Variants in PTPRS observed in about 807,000 individuals in gnomAD.
PTPRS encodes the protein protein tyrosine phosphatase receptor type S.
PTPRS carries 63 observed loss-of-function variants against 215.3 expected under a neutral mutation model. The ratio of observed to expected loss-of-function variants is 0.29; its 90% CI spans 0.24 to 0.36. The LOEUF (loss-of-function observed/expected upper bound fraction) is 0.36, where lower values mean the gene tolerates loss of function less well. Ranked by LOEUF, PTPRS falls within the 10% of genes least tolerant of loss-of-function variation. The pLI is 1.00. For synonymous variants in PTPRS, 1,404 were observed against 1,191.4 expected, an observed-to-expected ratio of 1.18 and a Z score of -3.68; for missense variants, 2,258 against 2,825.8, an observed-to-expected ratio of 0.80 and a Z score of 4.56.
Position 5,206,060 on chromosome 19 carries a change from TAAA to T in PTPRS, c.*711_*713del, listed in dbSNP as rs545658474. Reference sequence around the variant, plus strand: ...CACACTTTCTGATGGTAGGAAAAATTAAAAAAAAAAAAAAAAAAAAAAAAGCCA... The same window carrying T: ...CACACTTTCTGATGGTAGGAAAAATTAAAAAAAAAAAAAAAAAAAAAGCCA... On this transcript the variant is annotated 3_prime_UTR_variant, in exon 38 of 38. Coordinates refer to ENST00000262963, the MANE Select transcript of PTPRS (RefSeq NM_002850.4). Among the ~76,000 whole-genome samples the T allele has an allele frequency of 8.5e-5, 6 of 70,262 alleles. No homozygotes were observed. The highest frequency in any genetic ancestry group is 8.7e-4 in the East Asian group (2 of 2,290). 46.1% of individuals were successfully genotyped at this position (70,262 alleles called of 152,430 possible). A position where few individuals can be genotyped will look rare whatever the true frequency, so the allele number is the denominator to read the frequency against.
intron 1 of PTPRS, among the ~76,000 whole-genome samples, chr19:5,332,360 T>G (rs2050354658): frequency 1.3e-5 from 2 of 152,172 alleles, no homozygotes; most frequent in Non-Finnish European, 2.9e-5. Context: ...ACTTCTGACC[T>G]TAGGTGATCT....
Position 5,214,436 on chromosome 19 carries a change from G to T in PTPRS, c.4539C>A (p.Tyr1513Ter). ...CTAGCAACGTGACCTGGATGAAGCCGTAGGTCTCCGTGCCTCTGTTGGGCC... is the reference window on the plus strand; with the variant it reads ...CTAGCAACGTGACCTGGATGAAGCCTTAGGTCTCCGTGCCTCTGTTGGGCC... ...QYWPNRGTET[Y>*]GFIQVTLLDT... The change falls in exon 30 of 38, where the codon TAC becomes TAA. Residue 1513 changes from tyrosine to a stop codon, truncating the protein, a stop_gained. Transcript: ENST00000262963. LOFTEE classifies it high-confidence loss of function. The T allele has an allele frequency of 6.2e-7, 1 of 1,614,184 alleles. No homozygotes were observed.
At chr19:5,315,986 TATCCTGCCTAGTCTA>T (rs1273225277) in intron 1 of PTPRS, among the ~76,000 whole-genome samples, 2 of 151,072 alleles carry the variant, frequency 1.3e-5, no homozygotes, top group East Asian at 3.9e-4. Flanking sequence ...GGTCCTATCT[TATCCTGCCTAGTCTA>T]GAGCTCCTGG....
chr19:5,215,026 A>G (rs139047559), intron 28 of PTPRS, among the ~76,000 whole-genome samples: 2,254 of 152,382 alleles, frequency 0.015, 27 homozygotes, highest in Non-Finnish European at 0.025. Context: ...ACAACCAAAG[A>G]TGTCCCTGGA....
At chr19:5,261,374 C>T (rs991105329) in intron 6 of PTPRS, among the ~76,000 whole-genome samples, 1 of 152,014 alleles carries the variant, frequency 6.6e-6, no homozygotes, top group Non-Finnish European at 1.5e-5. Context: ...ACAGACAGGC[C>T]GAGTAGGAGG....
intron 1 of PTPRS, among the ~76,000 whole-genome samples, chr19:5,308,072 T>G (rs557529654): frequency 6.6e-6 from 1 of 152,204 alleles, no homozygotes; most frequent in South Asian, 2.1e-4. Context: ...GATCTGGAGA[T>G]TCTCCACCAT....
In PTPRS at chr19:5,210,425, C is replaced by A. The variant is rs745752815; in HGVS notation, c.5487+44G>T. On this transcript the variant is annotated intron_variant, in intron 35 of 37. Coordinates refer to ENST00000262963, the MANE Select transcript of PTPRS (RefSeq NM_002850.4). This position sits in a 1 kb window ranked among gnomAD's most constrained non-coding sequence, Gnocchi z 4.5. ...CCAACCAGGGCAGCCCTTTCCAGAT[C>A]ACTAAGGCTCCAGCCCCTCCCGCCA... 1.9e-6 allele frequency: 3 copies of A among 1,612,802 alleles called. No homozygotes were observed. The highest frequency in any genetic ancestry group is 2.7e-5 in the African/African-American group (2 of 74,960).
intron 2 of PTPRS, among the ~76,000 whole-genome samples, chr19:5,279,150 C>T (rs1568553236): frequency 6.6e-6 from 1 of 151,430 alleles, no homozygotes; most frequent in Non-Finnish European, 1.5e-5. Flanking sequence ...CGCACCACTG[C>T]ACTCCAGCCG....
At chr19:5,255,032 G>C (rs2045441463) in intron 9 of PTPRS, among the ~76,000 whole-genome samples, 1 of 152,188 alleles carries the variant, frequency 6.6e-6, no homozygotes, top group East Asian at 1.9e-4. Context: ...AACTCAAAAT[G>C]CTAGTGCACA....
At chr19:5,239,396 C>T (rs1040516615) in intron 12 of PTPRS, among the ~76,000 whole-genome samples, 9 of 144,838 alleles carry the variant, frequency 6.2e-5, no homozygotes, top group African/African-American at 2.3e-4. Flanking sequence ...CAGAGGGACA[C>T]AGTGACAGAG....
Position 5,211,738 on chromosome 19 carries a change from G to C in PTPRS, c.5086C>G (p.Arg1696Gly). The stretch of plus-strand genomic sequence containing the variant: ...CAAGGCAGATTGGCACTGATGAAGC[G>C]TGACGTGTGGGCCTTGGAGTTAGCC... ...RLANSKAHTSRFISANLPCNK... is the reference protein window; with the variant it reads ...RLANSKAHTSGFISANLPCNK... Residue 1696 changes from arginine to glycine, a missense_variant, in exon 33 of 38, where the codon CGC becomes GGC. By Grantham distance (125) the Arg-to-Gly change is moderately radical (BLOSUM62 -2). Around this residue, in one of 6 missense-constraint regions of PTPRS, gnomAD observed 927 missense variants for 1,125.9 expected, o/e 0.82. Transcript: ENST00000262963. 6.2e-7 allele frequency: 1 copy of C among 1,613,960 alleles called. No homozygotes were observed. Among genetic ancestry groups the C allele is most frequent in the Non-Finnish European group, 8.5e-7 (1 of 1,179,910 alleles).
At chr19:5,327,127 G>A (rs527666720) in intron 1 of PTPRS, among the ~76,000 whole-genome samples, 2 of 152,302 alleles carry the variant, frequency 1.3e-5, no homozygotes, top group African/African-American at 2.4e-5. Context: ...CTCGGTCTGC[G>A]CAGGGCTTGC....
chr19:5,256,067 A>G, intron 9 of PTPRS, 41 bp downstream of exon 9: 1 of 1,495,524 alleles, frequency 6.7e-7, no homozygotes, highest in South Asian at 1.2e-5. Flanking sequence ...AGAATGTAAA[A>G]ATGTGGGTAA....
intron 1 of PTPRS, among the ~76,000 whole-genome samples, chr19:5,298,679 G>A (rs1235226681): frequency 7.9e-5 from 12 of 152,202 alleles, no homozygotes; most frequent in East Asian, 7.7e-4. Context: ...CCCGCCAGCC[G>A]CACCGCAGCG....
chr19:5,222,546 C>G, intron 18 of PTPRS, 143 bp downstream of exon 18: 1 of 994,596 alleles, frequency 1.0e-6, no homozygotes, highest in Non-Finnish European at 1.4e-6. Context: ...AACGCCGGAG[C>G]CTCGGGGTCC....
intron 5 of PTPRS, among the ~76,000 whole-genome samples, chr19:5,263,703 G>A (rs1299827943): frequency 6.6e-6 from 1 of 152,228 alleles, no homozygotes; most frequent in Admixed American, 6.5e-5. Context: ...TCCCCACCAC[G>A]TGTGTCCCCA....
rs1215558834 is a variant in PTPRS at position 5,287,962 on chromosome 19, G to A, written c.-94-1728C>T. 5.1e-5 allele frequency among the ~76,000 whole-genome samples: 5 copies of A among 97,322 alleles called. No individual in the cohort carries two copies. The highest frequency in any genetic ancestry group is 1.1e-4 in the Admixed American group (1 of 8,796). 63.8% of individuals were successfully genotyped at this position (97,322 alleles called of 152,430 possible). A position where few individuals can be genotyped will look rare whatever the true frequency, so the allele number is the denominator to read the frequency against. The stretch of plus-strand genomic sequence containing the variant: ...ATTCACACAGTCAGGCAGCAGAGAC[G>A]GGCACACACACACACACACACACAC... On this transcript the variant is annotated intron_variant, in intron 1 of 37. Coordinates refer to ENST00000262963, the MANE Select transcript of PTPRS (RefSeq NM_002850.4). The surrounding 1 kb of genome is among the most constrained non-coding windows in gnomAD (Gnocchi z 4.8).
At chr19:5,229,175 T>G in intron 16 of PTPRS, 141 bp downstream of exon 16, 2 of 973,826 alleles carry the variant, frequency 2.1e-6, no homozygotes, top group Non-Finnish European at 2.7e-6. Flanking sequence ...CAAGAGGTAA[T>G]GGGAGAGCGA....
rs1422453480 is a variant in PTPRS at position 5,219,434 on chromosome 19, G to A, written c.3799C>T (p.Gln1267Ter). 1 of 1,608,690 alleles carries A rather than the reference G, an allele frequency of 6.2e-7. No homozygotes were observed. Among genetic ancestry groups the A allele is most frequent in the Non-Finnish European group, 8.5e-7 (1 of 1,177,524 alleles). ...FAASPFSDPF[Q>*]LDNPDPQPIV... ...GGCTGGGGGTCCGGGTTATCCAGCT[G>A]GAAGGGGTCTGAGAAGGGACTGGCT... The change falls in exon 23 of 38, where the codon CAG becomes TAG. Residue 1267 changes from glutamine to a stop codon, truncating the protein, a stop_gained. Transcript: ENST00000262963. LOFTEE classifies it high-confidence loss of function.
Sources: gnomAD v4.1 joint callset for allele counts (sites outside exome capture counted in the v4.1 genomes callset) on GRCh38, gnomAD v4.1.1 for gene constraint, gnomAD v4.1.1 regional missense constraint, Gnocchi (gnomAD v3.1) non-coding constraint, MANE v1.5 for transcripts, NCBI Gene and HGNC (gene_info 2026-07-23, HGNC 2026-07-21) for gene names.